RBMS3: variants seen among roughly 807,000 people sequenced by gnomAD.
RBMS3 encodes RNA binding motif single stranded interacting protein 3.
A neutral mutation model predicts 66.8 loss-of-function variants in RBMS3; 27 were observed. The ratio of observed to expected loss-of-function variants is 0.40; its 90% CI spans 0.30 to 0.56. The LOEUF (loss-of-function observed/expected upper bound fraction) is 0.56, where lower values mean the gene tolerates loss of function less well. Among genes scored for constraint, RBMS3 ranks in the 20% least tolerant of loss-of-function variants. The probability of loss-of-function intolerance (pLI) is 0.40; values close to 1 mark genes in which losing one functional copy is unlikely to be tolerated. For synonymous variants in RBMS3, 188 were observed against 183.0 expected (o/e 1.03, Z -0.22); for missense variants, 513 against 549.5 (o/e 0.93, Z 0.66).
At chr3:29,413,688 A>T (rs17023435) in intron 1 of RBMS3, among the ~76,000 whole-genome samples, 17,224 of 152,174 alleles carry the variant, frequency 0.11, 1,395 homozygotes, top group Admixed American at 0.25. Flanking sequence ...ATAGGAGGTC[A>T]TTTTTCCCTT....
chr3:29,595,583 A>G (rs2047918526), intron 4 of RBMS3, among the ~76,000 whole-genome samples: 2 of 152,142 alleles, frequency 1.3e-5, no homozygotes, highest in Admixed American at 6.6e-5. Context: ...ATTTGTTCTT[A>G]AAGTTGAAAG....
chr3:29,362,931 G>A (rs1168086747), intron 1 of RBMS3, among the ~76,000 whole-genome samples: 1 of 152,136 alleles, frequency 6.6e-6, no homozygotes, highest in Non-Finnish European at 1.5e-5. Context: ...ATCTATCTAT[G>A]ATCTTGCTTT....
intron 4 of RBMS3, among the ~76,000 whole-genome samples, chr3:29,736,222 A>G (rs1399898983): frequency 6.6e-6 from 1 of 152,238 alleles, no homozygotes; most frequent in Non-Finnish European, 1.5e-5. Context: ...TTACTTAAAT[A>G]ACACTCCCCA....
chr3:29,912,761 ACT>A (rs2149635709), intron 10 of RBMS3, among the ~76,000 whole-genome samples: 1 of 152,178 alleles, frequency 6.6e-6, no homozygotes, highest in African/African-American at 2.4e-5. Flanking sequence ...TATAAGAATG[ACT>A]CAGTAAATCC....
chr3:29,631,624 A>G (rs1282311902), intron 4 of RBMS3, among the ~76,000 whole-genome samples: 3 of 151,946 alleles, frequency 2.0e-5, no homozygotes, highest in Non-Finnish European at 2.9e-5. Flanking sequence ...CCCTAACCAA[A>G]ATAATCACAC....
chr3:29,302,066 G>GCC (rs1185173158), intron 1 of RBMS3, among the ~76,000 whole-genome samples: 1 of 151,986 alleles, frequency 6.6e-6, no homozygotes. Context: ...CTGTAGTGCA[G>GCC]TGGTATGGTC....
intron 1 of RBMS3, among the ~76,000 whole-genome samples, chr3:29,357,676 G>T (rs2037307948): frequency 1.3e-5 from 2 of 152,168 alleles, no homozygotes; most frequent in Non-Finnish European, 2.9e-5. Context: ...CAGTGTAAAA[G>T]TGTTCCCATT....
chr3:29,366,569 A>G (rs1200048239), intron 1 of RBMS3, among the ~76,000 whole-genome samples: 1 of 151,652 alleles, frequency 6.6e-6, no homozygotes, highest in African/African-American at 2.4e-5. Context: ...TTTTTTTGTA[A>G]AGACATGGTC....
chr3:29,935,080 T>C (rs2061231451), intron 10 of RBMS3, among the ~76,000 whole-genome samples: 1 of 152,138 alleles, frequency 6.6e-6, no homozygotes, highest in Non-Finnish European at 1.5e-5. Context: ...TTTCTACTTT[T>C]ATCACAATCT....
chr3:29,972,099 A>G (rs974300328), intron 12 of RBMS3, among the ~76,000 whole-genome samples: 1 of 152,146 alleles, frequency 6.6e-6, no homozygotes, highest in African/African-American at 2.4e-5. Flanking sequence ...GTTATCATCA[A>G]ACTAACTATT....
chr3:29,310,523 T>C (rs1312368404), intron 1 of RBMS3, among the ~76,000 whole-genome samples: 5 of 151,304 alleles, frequency 3.3e-5, no homozygotes, highest in African/African-American at 1.2e-4. Context: ...TTTTTTGAAG[T>C]TTTGATTTTT....
chr3:29,698,413 A>G (rs369705458), intron 4 of RBMS3: 7 of 985,372 alleles, frequency 7.1e-6, no homozygotes, highest in East Asian at 1.1e-4. Context: ...TATAGCCAGG[A>G]TATCACAGAC....
chr3:29,289,045 T>A (rs2032600989), intron 1 of RBMS3, among the ~76,000 whole-genome samples: 1 of 151,998 alleles, frequency 6.6e-6, no homozygotes, highest in South Asian at 2.1e-4. Flanking sequence ...TCATATAACT[T>A]AGTCCATAAG....
chr3:29,706,596 ACAC>A lies in RBMS3; in HGVS notation c.400-33120_400-33118del, dbSNP rs547066003. On this transcript the variant is annotated intron_variant, in intron 4 of 14. Transcript: ENST00000383767. ...ATAGTATGAAATCATGTACCCCACTACACCACTCTCTCACAAGAAACTCTTCAG... is the reference window on the plus strand; with the variant it reads ...ATAGTATGAAATCATGTACCCCACTACACTCTCTCACAAGAAACTCTTCAG... 3.0e-3 allele frequency among the ~76,000 whole-genome samples: 454 copies of A among 152,286 alleles called. 3 individuals carry two copies. The highest frequency in any genetic ancestry group is 9.8e-3 in the African/African-American group (409 of 41,554).
chr3:29,837,424 A>G (rs958075788), intron 6 of RBMS3, among the ~76,000 whole-genome samples: 7 of 151,334 alleles, frequency 4.6e-5, no homozygotes, highest in Non-Finnish European at 1.0e-4. Context: ...AGAACATTTA[A>G]TCTGGATTTT....
At chr3:29,480,871 AG>A (rs2043105960) in intron 2 of RBMS3, among the ~76,000 whole-genome samples, 1 of 152,216 alleles carries the variant, frequency 6.6e-6, no homozygotes, top group Admixed American at 6.5e-5. Context: ...ATAGGGGAAC[AG>A]GTCACAGACA....
At chr3:29,399,039 C>T (rs2039686764) in intron 1 of RBMS3, among the ~76,000 whole-genome samples, 1 of 152,166 alleles carries the variant, frequency 6.6e-6, no homozygotes, top group South Asian at 2.1e-4. Flanking sequence ...AGCAGTGTTT[C>T]TGGCTGAAGC....
At chr3:29,660,193 A>G (rs781203644) in intron 4 of RBMS3, among the ~76,000 whole-genome samples, 1 of 151,998 alleles carries the variant, frequency 6.6e-6, no homozygotes, top group Non-Finnish European at 1.5e-5. Flanking sequence ...TACCCCTTCA[A>G]TTGTCTTTTT....
chr3:29,968,529 C>A (rs191752230), intron 12 of RBMS3, among the ~76,000 whole-genome samples: 1 of 152,204 alleles, frequency 6.6e-6, no homozygotes, highest in Non-Finnish European at 1.5e-5. Flanking sequence ...CTGCTGCTTC[C>A]TCTATCCCTG....
Sources: gnomAD v4.1 joint callset for allele counts (sites outside exome capture counted in the v4.1 genomes callset) on GRCh38, gnomAD v4.1.1 for gene constraint, MANE v1.5 for transcripts, NCBI Gene and HGNC (gene_info 2026-07-23, HGNC 2026-07-21) for gene names.